The following ARL10 variants were observed in gnomAD, a reference collection of about 807,000 sequenced individuals.
The protein encoded by ARL10 is ADP-ribosylation factor-like protein 10.
Under a neutral mutation model 26.1 loss-of-function variants are expected in ARL10, and 23 were observed. The observed-to-expected ratio is 0.88, with a 90% confidence interval of 0.63 to 1.25. The LOEUF (loss-of-function observed/expected upper bound fraction) is 1.25, where lower values mean the gene tolerates loss of function less well. Ranked by LOEUF, ARL10 falls within the 50% of genes most tolerant of loss-of-function variation. The probability of loss-of-function intolerance (pLI) is 0.00; values close to 1 mark genes in which losing one functional copy is unlikely to be tolerated. For synonymous variants in ARL10, 138 were observed against 149.1 expected, an observed-to-expected ratio of 0.93 and a Z score of 0.54; for missense variants, 300 against 323.6, an observed-to-expected ratio of 0.93 and a Z score of 0.56.
downstream of ARL10, chr5:176,406,606 G>C (rs1019054309): frequency 1.4e-5 from 18 of 1,289,286 alleles, no homozygotes; most frequent in Non-Finnish European, 1.8e-5. Context: ...TTCTGTCCCT[G>C]CCCCTGGCTG....
chr5:176,369,359 A>T, intron 3 of ARL10: 1 of 523,998 alleles, frequency 1.9e-6, no homozygotes, highest in South Asian at 2.0e-5. Flanking sequence ...CAGCCTTCCG[A>T]GTAGCTGGGA....
chr5:176,366,539 G>A lies in ARL10; in HGVS notation c.343G>A (p.Val115Met), dbSNP rs372365355. 6.2e-7 allele frequency: 1 copy of A among 1,614,132 alleles called. No homozygotes were observed. The highest frequency in any genetic ancestry group is 8.5e-7 in the Non-Finnish European group (1 of 1,180,028). The change falls in exon 2 of 4, where the codon GTG (valine) becomes ATG (methionine). Residue 115 changes from valine (V) to methionine (M), a missense_variant. By Grantham distance (21) the Val-to-Met change is conservative. Coordinates refer to ENST00000310389, the MANE Select transcript of ARL10 (RefSeq NM_173664.6). ...GHIPTWGFNS[V>M]RLPTKDFEVD... is the part of the protein sequence containing the mutation. ...CATCCCCACCTGGGGCTTCAACTCC[G>A]TGCGTCTGCCCACCAAGGACTTTGA...
At chr5:176,370,123 T>A (rs1456356837) in intron 3 of ARL10, among the ~76,000 whole-genome samples, 45 of 152,304 alleles carry the variant, frequency 3.0e-4, no homozygotes. Context: ...ATTGTGTGCT[T>A]ACGGTGTGCC....
At position 176,369,015 on chromosome 5, in the gene ARL10, T is replaced by C. The variant is rs566519414; in HGVS notation, c.561+33T>C. 3 of 1,610,836 alleles carry C rather than the reference T, an allele frequency of 1.9e-6. No homozygotes were observed. In the African/African-American group the frequency reaches 4.0e-5, roughly 21 times the overall value. On this transcript the variant is annotated intron_variant, in intron 3 of 3. Transcript: ENST00000310389. ...CTGTGAGAGGGCAGCTCGGTCCAGGTGACATCCACTCAGAGATGCTTGGGC... is the reference window on the plus strand; with the variant it reads ...CTGTGAGAGGGCAGCTCGGTCCAGGCGACATCCACTCAGAGATGCTTGGGC...
At chr5:176,413,018 A>G in the ARL10 span, among the ~76,000 whole-genome samples, 1 of 152,108 alleles carries the variant, frequency 6.6e-6, no homozygotes, top group Non-Finnish European at 1.5e-5. Flanking sequence ...CCTGGGGTCT[A>G]CCCTGACCTT....
the ARL10 span, among the ~76,000 whole-genome samples, chr5:176,414,536 A>G: frequency 6.6e-6 from 1 of 151,848 alleles, no homozygotes; most frequent in African/African-American, 2.4e-5. Flanking sequence ...CCCGGGCTCA[A>G]GCTATGCTCC....
chr5:176,391,803 CCA>C (rs1160804814), downstream of ARL10, among the ~76,000 whole-genome samples: 1 of 152,182 alleles, frequency 6.6e-6, no homozygotes, highest in Admixed American at 6.5e-5. Context: ...CATGGCTCTG[CCA>C]CAGCTTGATT....
At chr5:176,404,839 G>A (rs1377281529), downstream of ARL10, among the ~76,000 whole-genome samples, 1 of 152,160 alleles carries the variant, frequency 6.6e-6, no homozygotes, top group Non-Finnish European at 1.5e-5. Context: ...CTTGGCCTTG[G>A]CCAAGGCCAC....
chr5:176,386,992 T>A, intron 1 of ARL10: 1 of 1,221,402 alleles, frequency 8.2e-7, no homozygotes. Flanking sequence ...ACACAACTAC[T>A]AACCCATAAG....
chr5:176,379,565 A>G lies in ARL10; in HGVS notation c.*7670A>G, dbSNP rs554828260. 2.0e-5 allele frequency: 3 copies of G among 152,308 alleles called. No homozygotes were observed. The highest frequency in any genetic ancestry group is 7.2e-5 in the African/African-American group (3 of 41,568). The allele number at this position is 152,308 out of a possible 1,614,324, so 9.4% of individuals were successfully genotyped here. A position where few individuals can be genotyped will look rare whatever the true frequency, so the allele number is the denominator to read the frequency against. On this transcript the variant is annotated 3_prime_UTR_variant, in exon 4 of 4. Transcript: ENST00000310389. ...ATATCTGTTACTTTCCATCCTGGTT[A>G]TATTTCTTAATTAGACTGCGAAGTT...
Position 176,372,995 on chromosome 5 carries a change from G to A in ARL10, c.*1100G>A, listed in dbSNP as rs780308866. On this transcript the variant is annotated 3_prime_UTR_variant, in exon 4 of 4. Transcript: ENST00000310389. ...CCTCCCACCTGGCTTTGAGGCTGTCGTCGATATCATAGTACTTTACATGGA... is the reference window on the plus strand; with the variant it reads ...CCTCCCACCTGGCTTTGAGGCTGTCATCGATATCATAGTACTTTACATGGA... The A allele has an allele frequency of 2.3e-5, 9 of 398,464 alleles. No homozygotes were observed. The highest frequency in any genetic ancestry group is 3.5e-5 in the Non-Finnish European group (8 of 226,066). 24.7% of individuals were successfully genotyped at this position (398,464 alleles called of 1,614,324 possible). A position where few individuals can be genotyped will look rare whatever the true frequency, so the allele number is the denominator to read the frequency against.
intron 1 of ARL10, 111 bp downstream of exon 1, chr5:176,365,857 G>C: frequency 8.7e-7 from 1 of 1,146,934 alleles, no homozygotes; most frequent in African/African-American, 1.6e-5. Context: ...GGGAGCTTGG[G>C]GGGTCGAGGG....
At chr5:176,384,048 G>A (rs753204257), downstream of ARL10, 97 of 1,549,032 alleles carry the variant, frequency 6.3e-5, no homozygotes, top group Admixed American at 1.7e-4. Context: ...ATATAAATTG[G>A]AGCCTCTGAG....
downstream of ARL10, among the ~76,000 whole-genome samples, chr5:176,402,118 C>T (rs775861508): frequency 5.3e-5 from 8 of 152,092 alleles, no homozygotes; most frequent in East Asian, 1.9e-4. Flanking sequence ...CCCTGGGCAA[C>T]GTGGTAAAAC....
the ARL10 span, chr5:176,407,568 C>G: frequency 1.3e-5 from 2 of 152,390 alleles, no homozygotes; most frequent in African/African-American, 4.8e-5. Context: ...CCTCCCACTG[C>G]TGGGATTACA....
rs559289066 is a variant in ARL10 at position 176,372,769 on chromosome 5, C to G, written c.*874C>G. ...TCCCTGGGACGACAGTCAACTGGAG[C>G]TAGGTGTTGACCTCAGAACTGCATT... On this transcript the variant is annotated 3_prime_UTR_variant, in exon 4 of 4. Coordinates refer to ENST00000310389, the MANE Select transcript of ARL10 (RefSeq NM_173664.6). The G allele has an allele frequency of 7.5e-6, 3 of 397,392 alleles. No homozygotes were observed. The highest frequency in any genetic ancestry group is 1.4e-4 in the South Asian group (1 of 7,016). The allele number at this position is 397,392 out of a possible 1,614,324, so 24.6% of individuals were successfully genotyped here. A position where few individuals can be genotyped will look rare whatever the true frequency, so the allele number is the denominator to read the frequency against.
At chr5:176,386,998 A>C in intron 1 of ARL10, 2 of 1,137,050 alleles carry the variant, frequency 1.8e-6, no homozygotes, top group Non-Finnish European at 2.7e-6. Context: ...CTACTAACCC[A>C]TAAGAATCCC....
At chr5:176,369,317 C>G in intron 3 of ARL10, 1 of 852,304 alleles carries the variant, frequency 1.2e-6, no homozygotes, top group South Asian at 1.7e-5. Flanking sequence ...ACTGCAACCT[C>G]CACCTCCCGG....
rs945846540 is a variant in ARL10 at position 176,365,669 on chromosome 5, C to T, written c.106C>T (p.Arg36Ter). ...CTGGAAGACCTACTTCGGCCGCGGC[C>T]GAGAGCGGCGCTGGGACCGGGGAGA... ...ILWKTYFGRG[R>*]ERRWDRGEAW... is the part of the protein sequence containing the mutation. The change falls in exon 1 of 4, where the codon CGA becomes TGA. Residue 36 changes from arginine (R) to a stop codon, truncating the protein, a stop_gained. Coordinates refer to ENST00000310389, the MANE Select transcript of ARL10 (RefSeq NM_173664.6). LOFTEE classifies it high-confidence loss of function. The T allele has an allele frequency of 8.0e-6, 10 of 1,249,268 alleles. No individual in the cohort carries two copies. Among genetic ancestry groups the T allele is most frequent in the Non-Finnish European group, 9.0e-6 (9 of 995,886 alleles). The allele number at this position is 1,249,268 out of a possible 1,614,324, so 77.4% of individuals were successfully genotyped here. A position where few individuals can be genotyped will look rare whatever the true frequency, so the allele number is the denominator to read the frequency against.
Sources: allele counts gnomAD v4.1 joint callset (sites outside exome capture counted in the v4.1 genomes callset), GRCh38; gene constraint gnomAD v4.1.1; transcripts MANE v1.5; gene names NCBI Gene and HGNC (gene_info 2026-07-23, HGNC 2026-07-21).